The following INSRR variants were observed in gnomAD, a reference collection of about 807,000 sequenced individuals.
INSRR encodes the protein insulin receptor related receptor.
In INSRR, 114 loss-of-function variants were observed where a neutral mutation model predicts 130.0. That is an observed-to-expected ratio of 0.88 (90% confidence interval 0.75 to 1.02). The LOEUF (loss-of-function observed/expected upper bound fraction) is 1.02, where lower values mean the gene tolerates loss of function less well. Ranked by LOEUF, INSRR falls within the 50% of genes least tolerant of loss-of-function variation. The pLI, the probability that INSRR is intolerant of heterozygous loss-of-function variation, is 0.00. For synonymous variants in INSRR, 674 were observed against 705.2 expected (o/e 0.96, Z 0.70); for missense variants, 1,657 against 1,735.2 (o/e 0.95, Z 0.80).
In INSRR at chr1:156,844,570, G is replaced by A; in HGVS notation, c.2629C>T (p.His877Tyr). The change falls in exon 14 of 22, where the codon CAC becomes TAC. Residue 877 changes from histidine (H) to tyrosine (Y), a missense_variant. His to Tyr is a moderately conservative substitution (Grantham distance 83). Coordinates refer to ENST00000368195, the MANE Select transcript of INSRR (RefSeq NM_014215.3). ...TTTCCAGGGGGCAGCAGGGCCAGGT[G>A]GACTCCCCCAAACTTCGCATATCGA... ...RLRYAKFGGVHLALLPPGNYS... is the reference protein window; with the variant it reads ...RLRYAKFGGVYLALLPPGNYS... 6.2e-7 allele frequency: 1 copy of A among 1,614,198 alleles called. No individual in the cohort carries two copies. Among genetic ancestry groups the A allele is most frequent in the Non-Finnish European group, 8.5e-7 (1 of 1,180,034 alleles).
chr1:156,847,347 T>A (rs148233875), intron 7 of INSRR, among the ~76,000 whole-genome samples: 12 of 152,328 alleles, frequency 7.9e-5, no homozygotes, highest in African/African-American at 2.9e-4. Flanking sequence ...AGGCAACTAG[T>A]GCTGGCTGCC....
chr1:156,841,961 C>T (rs1400088059), intron 19 of INSRR, 151 bp downstream of exon 19: 2 of 1,548,528 alleles, frequency 1.3e-6, no homozygotes, highest in African/African-American at 1.4e-5. Context: ...AACCCCTCTG[C>T]CCTTGGACAA....
chr1:156,845,894 C>T, intron 9 of INSRR, 58 bp downstream of exon 9: 1 of 1,598,134 alleles, frequency 6.3e-7, no homozygotes, highest in Non-Finnish European at 8.5e-7. Context: ...GGGCCCTGCG[C>T]CTCCATCTCC....
intron 1 of INSRR, among the ~76,000 whole-genome samples, chr1:156,857,386 A>T (rs1483326977): frequency 6.6e-6 from 1 of 152,164 alleles, no homozygotes; most frequent in African/African-American, 2.4e-5. Flanking sequence ...GATGGGAGTC[A>T]TTTGGAAAAA....
Position 156,844,687 on chromosome 1 carries a change from G to A in INSRR, c.2574+20C>T, listed in dbSNP as rs1481286472. ...GTAGGCACAAAACGGGGCTGGGACG[G>A]GGGTCCCACGGGCACCTACCTCTCC... is the stretch of plus-strand genomic sequence containing the variant. On this transcript the variant is annotated intron_variant, in intron 13 of 21. Coordinates refer to ENST00000368195, the MANE Select transcript of INSRR (RefSeq NM_014215.3). 1 of 1,614,092 alleles carries A rather than the reference G, an allele frequency of 6.2e-7. No individual in the cohort carries two copies. The highest frequency in any genetic ancestry group is 8.5e-7 in the Non-Finnish European group (1 of 1,179,988).
intron 5 of INSRR, 51 bp downstream of exon 5, chr1:156,851,239 G>C (rs1655193086): frequency 6.2e-7 from 1 of 1,607,316 alleles, no homozygotes; most frequent in Non-Finnish European, 8.5e-7. Flanking sequence ...TTCTGGGAGT[G>C]TTGGAGGAAG....
intron 1 of INSRR, among the ~76,000 whole-genome samples, chr1:156,857,041 C>A (rs1571676511): frequency 6.6e-6 from 1 of 152,082 alleles, no homozygotes; most frequent in African/African-American, 2.4e-5. Flanking sequence ...GCTATCCAGG[C>A]CCCATTCCTG....
In INSRR at chr1:156,845,696, C is replaced by A. The variant is rs1432718487; in HGVS notation, c.2097G>T (p.Leu699=). The A allele has an allele frequency of 4.3e-6, 7 of 1,613,106 alleles. No homozygotes were observed. In the East Asian group the frequency reaches 1.3e-4, roughly 31 times the overall value. The change falls in exon 10 of 22, where the codon CTG becomes CTT. Residue 699 remains leucine (L), a synonymous_variant. Coordinates refer to ENST00000368195, the MANE Select transcript of INSRR (RefSeq NM_014215.3). ...AGGCCTCTTGCGCCTCCAGCGGGGG[C>A]AGAACCTGACCAGGAGGTGGGTGCT... ...PCQHPPPGQV[L]PPLEAQEASF...
At chr1:156,853,621 C>T (rs574346471) in intron 2 of INSRR, 131 bp downstream of exon 2, 2 of 947,912 alleles carry the variant, frequency 2.1e-6, no homozygotes, top group East Asian at 4.9e-5. Context: ...CCTTACCTGC[C>T]TCATAGGATG....
Position 156,854,076 on chromosome 1 carries a change from G to A in INSRR, c.313C>T (p.Arg105Cys), listed in dbSNP as rs997096775. The A allele has an allele frequency of 5.0e-6, 8 of 1,613,950 alleles. No individual in the cohort carries two copies. The highest frequency in any genetic ancestry group is 3.3e-5 in the Admixed American group (2 of 60,018). ...RDLFPNLAVI[R>C]GTRLFLGYAL... ...TAGCCCAGGAAGAGGCGCGTCCCGC[G>A]GATGACTGCTAGGTTGGGGAAGAGG... The change falls in exon 2 of 22, where the codon CGC becomes TGC. Residue 105 changes from arginine to cysteine, a missense_variant. By Grantham distance (180) the Arg-to-Cys change is radical. Coordinates refer to ENST00000368195, the MANE Select transcript of INSRR (RefSeq NM_014215.3). The surrounding 1 kb of genome is among the most constrained non-coding windows in gnomAD (Gnocchi z 4.2).
rs1248423853 is a variant in INSRR at position 156,843,493 on chromosome 1, T to G, written c.2844-14A>C. 1.2e-6 allele frequency: 2 copies of G among 1,613,592 alleles called. No homozygotes were observed. Among genetic ancestry groups the G allele is most frequent in the South Asian group, 2.2e-5 (2 of 91,032 alleles). On this transcript the variant is annotated splice_polypyrimidine_tract_variant and intron_variant, in intron 15 of 21. Coordinates refer to ENST00000368195, the MANE Select transcript of INSRR (RefSeq NM_014215.3). ...AGGGTTCTGTTTCTGCAACGGGAGG[T>G]GAGGGGGTCAGGCTGGAAGGGTTCT...
In INSRR at chr1:156,852,070, G is replaced by T; in HGVS notation, c.759C>A (p.Tyr253Ter). 1 of 1,613,668 alleles carries T rather than the reference G, an allele frequency of 6.2e-7. No homozygotes were observed. Among genetic ancestry groups the T allele is most frequent in the Admixed American group, 1.7e-5 (1 of 60,012 alleles). ...PRACVACRHL[Y>*]FQGACLWACP... Reference sequence around the variant, plus strand: ...AGGCCCACAGGCAGGCACCCTGGAAGTAGAGGTGGCGGCAAGCTACACAGG... The same window carrying T: ...AGGCCCACAGGCAGGCACCCTGGAATTAGAGGTGGCGGCAAGCTACACAGG... The change falls in exon 3 of 22, where the codon TAC (tyrosine) becomes TAA (stop). Residue 253 changes from tyrosine to a stop codon, truncating the protein, a stop_gained. Coordinates refer to ENST00000368195, the MANE Select transcript of INSRR (RefSeq NM_014215.3). LOFTEE classifies it high-confidence loss of function.
rs746595217 is a variant in INSRR, at chr1:156,845,450, G to T, written c.2175-37C>A. The T allele has an allele frequency of 5.2e-6, 8 of 1,527,194 alleles. No individual in the cohort carries two copies. In the South Asian group the frequency reaches 1.0e-4, roughly 20 times the overall value. 94.6% of individuals were successfully genotyped at this position (1,527,194 alleles called of 1,614,324 possible). On this transcript the variant is annotated intron_variant, in intron 10 of 21. Coordinates refer to ENST00000368195, the MANE Select transcript of INSRR (RefSeq NM_014215.3). ...AGGAGTAGCCCTATCAGGCCTGTCC[G>T]GATGCACCCCTGTGCCCTCTGCAGC... is the stretch of plus-strand genomic sequence containing the variant.
rs576165880 is a variant in INSRR, at chr1:156,841,665, C to A, written c.3527G>T (p.Trp1176Leu). Residue 1176 changes from tryptophan to leucine, a missense_variant and splice_region_variant, in exon 20 of 22, where the codon TGG becomes TTG. By Grantham distance (61) the Trp-to-Leu change is moderately conservative. Coordinates refer to ENST00000368195, the MANE Select transcript of INSRR (RefSeq NM_014215.3). ...DGIFTTHSDV[W>L]SFGVVLWEIV... ...GCCCTGTGCTCCAGCTCGGCCCCAC[C>A]AGACATCCGAGTGGGTGGTGAAGAT... The A allele has an allele frequency of 8.7e-6, 14 of 1,613,700 alleles. No homozygotes were observed. Among genetic ancestry groups the A allele is most frequent in the Middle Eastern group, 3.3e-4 (2 of 6,060 alleles).
intron 10 of INSRR, 25 bp from the exon 11 acceptor site, chr1:156,845,438 T>C: frequency 6.5e-7 from 1 of 1,533,586 alleles, no homozygotes; most frequent in Non-Finnish European, 8.8e-7. Context: ...AGTAGCCCTA[T>C]CAGGCCTGTC....
In INSRR at chr1:156,841,744, C is replaced by T. The variant is rs1385545544; in HGVS notation, c.3448G>A (p.Gly1150Arg). 1.2e-6 allele frequency: 2 copies of T among 1,614,052 alleles called. No homozygotes were observed. Among genetic ancestry groups the T allele is most frequent in the Non-Finnish European group, 1.7e-6 (2 of 1,180,018 alleles). ...CAGCGCACGGGCAGCAGCCCCTTCC[C>T]ACCCTTGCGGTAATAGTCTGTCTCA... ...VYETDYYRKG[G>R]KGLLPVRWMA... The change falls in exon 20 of 22, where the codon GGG becomes AGG. Residue 1150 changes from glycine (G) to arginine (R), a missense_variant. Transcript: ENST00000368195.
rs2102862977 is a variant in INSRR, at chr1:156,848,926, C to T, written c.1566G>A (p.Lys522=). 6.4e-7 allele frequency: 1 copy of T among 1,574,662 alleles called. No homozygotes were observed. The highest frequency in any genetic ancestry group is 8.6e-7 in the Non-Finnish European group (1 of 1,160,322). The change falls in exon 7 of 22, where the codon AAG becomes AAA. Residue 522 remains lysine (K), a synonymous_variant. Transcript: ENST00000368195. ...RDLLSFIVYY[K]ESPFQNATEH... ...GCCCCGCCCCCGGCACTCACGACTCCTTGTAGTACACGATGAAGCTGAGCA... is the reference window on the plus strand; with the variant it reads ...GCCCCGCCCCCGGCACTCACGACTCTTTGTAGTACACGATGAAGCTGAGCA...
At chr1:156,849,687 A>G (rs1655136523) in intron 5 of INSRR, among the ~76,000 whole-genome samples, 1 of 152,116 alleles carries the variant, frequency 6.6e-6, no homozygotes, top group Non-Finnish European at 1.5e-5. Flanking sequence ...TTTCCTCATC[A>G]GTGAAATGGG....
chr1:156,851,191 A>G, intron 5 of INSRR, 99 bp downstream of exon 5: 1 of 1,375,316 alleles, frequency 7.3e-7, no homozygotes, highest in South Asian at 1.2e-5. Flanking sequence ...CCTAGTGAGT[A>G]GCAAAATTGG....
Sources: allele counts gnomAD v4.1 joint callset (sites outside exome capture counted in the v4.1 genomes callset), GRCh38; gene constraint gnomAD v4.1.1; non-coding constraint Gnocchi (gnomAD v3.1); transcripts MANE v1.5; gene names NCBI Gene and HGNC (gene_info 2026-07-23, HGNC 2026-07-21).